KITLG: variants seen among roughly 807,000 people sequenced by gnomAD.
KITLG encodes KIT ligand, also known as c-Kit ligand.
In KITLG, 13 loss-of-function variants were observed where a neutral mutation model predicts 34.1. That is an observed-to-expected ratio of 0.38 (90% confidence interval 0.25 to 0.61). KITLG has a LOEUF of 0.61. Ranked by LOEUF, KITLG falls within the 20% of genes least tolerant of loss-of-function variation. KITLG has a pLI of 0.60. For synonymous variants in KITLG, 110 were observed against 104.0 expected (o/e 1.06, Z -0.35); for missense variants, 292 against 318.9 (o/e 0.92, Z 0.64).
intron 1 of KITLG, among the ~76,000 whole-genome samples, chr12:88,558,384 T>C (rs1170074779): frequency 1.3e-5 from 2 of 152,098 alleles, no homozygotes; most frequent in African/African-American, 4.8e-5. Flanking sequence ...CTTTATACTC[T>C]ACTTTAACTG....
intron 5 of KITLG, among the ~76,000 whole-genome samples, chr12:88,515,873 C>T (rs984870637): frequency 6.6e-5 from 10 of 151,276 alleles, no homozygotes; most frequent in African/African-American, 1.9e-4. Context: ...ATGGTAATTT[C>T]TCATTAAAAA....
intron 1 of KITLG, among the ~76,000 whole-genome samples, chr12:88,565,004 C>G (rs544231200): frequency 6.6e-6 from 1 of 152,174 alleles, no homozygotes; most frequent in African/African-American, 2.4e-5. Flanking sequence ...TCTTCCTCCA[C>G]GCTTAATCTC....
chr12:88,565,763 C>A (rs1277149804), intron 1 of KITLG, among the ~76,000 whole-genome samples: 1 of 152,174 alleles, frequency 6.6e-6, no homozygotes, highest in African/African-American at 2.4e-5. Context: ...ATTTGCTCAA[C>A]CTCTGTGAGC....
chr12:88,566,480 A>C (rs1871447530), intron 1 of KITLG, among the ~76,000 whole-genome samples: 1 of 152,224 alleles, frequency 6.6e-6, no homozygotes, highest in Non-Finnish European at 1.5e-5. Flanking sequence ...TCAGGGTAAG[A>C]TCACTAAACA....
chr12:88,566,481 T>A (rs1484291784), intron 1 of KITLG, among the ~76,000 whole-genome samples: 1 of 152,090 alleles, frequency 6.6e-6, no homozygotes, highest in Non-Finnish European at 1.5e-5. Context: ...CAGGGTAAGA[T>A]CACTAAACAA....
chr12:88,509,037 G>A (rs1198809031), intron 6 of KITLG, among the ~76,000 whole-genome samples: 1 of 151,984 alleles, frequency 6.6e-6, no homozygotes, highest in Non-Finnish European at 1.5e-5. Flanking sequence ...ATCTGCTGTG[G>A]CCCCCATTAT....
intron 3 of KITLG, among the ~76,000 whole-genome samples, chr12:88,528,947 TAGGTGGCAC>T (rs1216667068): frequency 6.6e-6 from 1 of 152,092 alleles, no homozygotes; most frequent in Non-Finnish European, 1.5e-5. Context: ...AGTAGCAAAA[TAGGTGGCAC>T]AGTTAATAAA....
rs148899510 is a variant in KITLG, at chr12:88,529,981, A to C, written c.192+2460T>G. On this transcript the variant is annotated intron_variant, in intron 3 of 9. Coordinates refer to ENST00000644744, the MANE Select transcript of KITLG (RefSeq NM_000899.5). ...AGCACAAAATATGTGGCAGTGAATC[A>C]GCTTTATTTTCACAAGCTTGGCTCT... 1.8e-3 allele frequency among the ~76,000 whole-genome samples: 277 copies of C among 152,348 alleles called. 2 individuals carry two copies. The highest frequency in any genetic ancestry group is 6.4e-3 in the African/African-American group (267 of 41,592).
intron 1 of KITLG, among the ~76,000 whole-genome samples, chr12:88,577,404 A>C (rs1871864054): frequency 6.6e-6 from 1 of 152,148 alleles, no homozygotes; most frequent in African/African-American, 2.4e-5. Context: ...CCCCAAACTA[A>C]AATGTAAGCA....
rs1294505639 is a variant in KITLG, at chr12:88,572,828, T to TA, written c.15+7435_15+7436insT. Reference sequence around the variant, plus strand: ...ACCTGGAAGTAGAAAGCACCAGCCATTCTCCTATACTGTGATAATGTATCT... The same window carrying TA: ...ACCTGGAAGTAGAAAGCACCAGCCATATCTCCTATACTGTGATAATGTATCT... On this transcript the variant is annotated intron_variant, in intron 1 of 9. Transcript: ENST00000644744. Among the ~76,000 whole-genome samples, 4 of 152,130 alleles carry TA rather than the reference T, an allele frequency of 2.6e-5. No homozygotes were observed. In the East Asian group the frequency reaches 7.7e-4, roughly 29 times the overall value.
chr12:88,547,456 T>C (rs1870757136), intron 1 of KITLG, among the ~76,000 whole-genome samples: 2 of 152,214 alleles, frequency 1.3e-5, no homozygotes, highest in African/African-American at 2.4e-5. Flanking sequence ...GTATCATCTT[T>C]CTTGGACCAC....
intron 1 of KITLG, among the ~76,000 whole-genome samples, chr12:88,560,967 C>CAAAAAAAAAAAAAAAAAAAAAAAAAA: frequency 1.7e-5 from 1 of 58,082 alleles, no homozygotes; most frequent in Non-Finnish European, 2.7e-5. Flanking sequence ...GACTCTGTCT[C>CAAAAAAAAAAAAAAAAAAAAAAAAAA]AAAAAAAAAA....
At position 88,531,122 on chromosome 12, in the gene KITLG, C is replaced by T. The variant is rs992486972; in HGVS notation, c.192+1319G>A. Among the ~76,000 whole-genome samples the T allele has an allele frequency of 2.0e-4, 30 of 152,258 alleles. 1 individual carries two copies. The highest frequency in any genetic ancestry group is 6.8e-3 in the Middle Eastern group (2 of 294). ...GTCAAAGCATGTTGAAAGATATAAG[C>T]GAACTTCAAAGTATAGAAGCTTAAC... On this transcript the variant is annotated intron_variant, in intron 3 of 9. Coordinates refer to ENST00000644744, the MANE Select transcript of KITLG (RefSeq NM_000899.5).
At chr12:88,564,874 A>C (rs575309969) in intron 1 of KITLG, among the ~76,000 whole-genome samples, 2 of 152,310 alleles carry the variant, frequency 1.3e-5, no homozygotes, top group South Asian at 2.1e-4. Context: ...TATCTGTAAC[A>C]TTATTTTAGA....
chr12:88,550,339 C>T (rs1460380444), intron 1 of KITLG, among the ~76,000 whole-genome samples: 3 of 152,040 alleles, frequency 2.0e-5, no homozygotes, highest in Non-Finnish European at 4.4e-5. Context: ...CAATATAGGT[C>T]AGAAGAGAGG....
intron 3 of KITLG, among the ~76,000 whole-genome samples, chr12:88,520,417 C>T (rs1869616277): frequency 6.6e-6 from 1 of 152,198 alleles, no homozygotes; most frequent in South Asian, 2.1e-4. Flanking sequence ...TGGAACACAG[C>T]ATACACTGTA....
intron 1 of KITLG, among the ~76,000 whole-genome samples, chr12:88,563,686 C>T (rs1314821832): frequency 6.6e-6 from 1 of 152,146 alleles, no homozygotes; most frequent in African/African-American, 2.4e-5. Flanking sequence ...TGTGGCCGGG[C>T]GCAGTGGCTC....
At chr12:88,532,531 A>C (rs766697265) in intron 2 of KITLG, 28 bp from the exon 3 acceptor site, 1 of 1,503,724 alleles carries the variant, frequency 6.7e-7, no homozygotes, top group Admixed American at 1.7e-5. Context: ...AAAATTCCAT[A>C]AGAAAATTCT....
At chr12:88,573,781 A>G (rs1185432648) in intron 1 of KITLG, among the ~76,000 whole-genome samples, 2 of 152,160 alleles carry the variant, frequency 1.3e-5, no homozygotes, top group Admixed American at 1.3e-4. Context: ...AAAGGTGAAC[A>G]AGGCTTGCTT....
Sources: gnomAD v4.1 joint callset for allele counts (sites outside exome capture counted in the v4.1 genomes callset) on GRCh38, gnomAD v4.1.1 for gene constraint, MANE v1.5 for transcripts, NCBI Gene and HGNC (gene_info 2026-07-23, HGNC 2026-07-21) for gene names.